The following LTBP1 variants were observed in gnomAD, a reference collection of about 807,000 sequenced individuals.
The protein encoded by LTBP1 is latent transforming growth factor beta binding protein 1, also known as latent-transforming growth factor beta-binding protein 1.
LTBP1 carries 129 observed loss-of-function variants against 207.6 expected under a neutral mutation model. That is an observed-to-expected ratio of 0.62 (90% confidence interval 0.54 to 0.72). The LOEUF (loss-of-function observed/expected upper bound fraction) is 0.72, where lower values mean the gene tolerates loss of function less well. Ranked by LOEUF, LTBP1 falls within the 30% of genes least tolerant of loss-of-function variation. The pLI, the probability that LTBP1 is intolerant of heterozygous loss-of-function variation, is 0.00. For synonymous variants in LTBP1, 963 were observed against 833.7 expected, an observed-to-expected ratio of 1.16 and a Z score of -2.67; for missense variants, 2,281 against 2,217.2, an observed-to-expected ratio of 1.03 and a Z score of -0.58.
At chr2:33,300,639 C>T in intron 21 of LTBP1, 66 bp downstream of exon 21, 3 of 1,522,610 alleles carry the variant, frequency 2.0e-6, no homozygotes, top group South Asian at 1.2e-5. Context: ...AAAAGGTACG[C>T]TCAATCAAGT....
chr2:33,122,821 C>T (rs1427181321), intron 4 of LTBP1, among the ~76,000 whole-genome samples: 3 of 149,254 alleles, frequency 2.0e-5, no homozygotes, highest in East Asian at 1.9e-4. Flanking sequence ...GCTGGTTCTG[C>T]GTTCTGGGTT....
At chr2:33,116,342 A>C (rs568475903) in intron 4 of LTBP1, among the ~76,000 whole-genome samples, 4 of 152,348 alleles carry the variant, frequency 2.6e-5, no homozygotes, top group African/African-American at 9.6e-5. Context: ...TTATATTTCA[A>C]AGTCATCTAA....
chr2:33,292,168 T>A (rs775388680), intron 19 of LTBP1, among the ~76,000 whole-genome samples: 2 of 152,236 alleles, frequency 1.3e-5, no homozygotes, highest in Admixed American at 6.5e-5. Flanking sequence ...AGAACTTACA[T>A]GTTTATTTAT....
intron 4 of LTBP1, among the ~76,000 whole-genome samples, chr2:33,115,035 TATACACACAC>T (rs1178677392): frequency 3.1e-5 from 3 of 98,220 alleles, no homozygotes; most frequent in African/African-American, 1.2e-4. Context: ...CAAACAGATA[TATACACACAC>T]ACACACACAC....
At chr2:33,002,512 G>C (rs998116840) in intron 2 of LTBP1, among the ~76,000 whole-genome samples, 2 of 152,158 alleles carry the variant, frequency 1.3e-5, no homozygotes, top group Non-Finnish European at 2.9e-5. Flanking sequence ...CAGGCCCAGC[G>C]TCTCTTCTCC....
At chr2:33,342,703 T>A in intron 24 of LTBP1, 135 bp from the exon 25 acceptor site, 1 of 739,798 alleles carries the variant, frequency 1.4e-6, no homozygotes, top group South Asian at 4.1e-5. Flanking sequence ...TTAAAAGCTG[T>A]TTTCTGTGTA....
chr2:33,377,041 G>A (rs1352501764), intron 31 of LTBP1, among the ~76,000 whole-genome samples: 1 of 152,194 alleles, frequency 6.6e-6, no homozygotes, highest in Non-Finnish European at 1.5e-5. Context: ...TGATCCTATT[G>A]TAGTCATTGA....
intron 6 of LTBP1, 41 bp downstream of exon 6, chr2:33,187,121 A>C (rs772115525): frequency 6.4e-6 from 10 of 1,554,648 alleles, no homozygotes; most frequent in Non-Finnish European, 8.8e-6. Flanking sequence ...GACCTCTGTT[A>C]ACCTGCCAAA....
intron 3 of LTBP1, among the ~76,000 whole-genome samples, chr2:33,046,444 T>G (rs544408648): frequency 6.6e-6 from 1 of 152,350 alleles, no homozygotes; most frequent in East Asian, 1.9e-4. Flanking sequence ...TGAACCAGCC[T>G]TGCCTCCCGG....
chr2:33,015,862 A>T (rs886379525), intron 2 of LTBP1, among the ~76,000 whole-genome samples: 2 of 152,128 alleles, frequency 1.3e-5, no homozygotes, highest in Non-Finnish European at 2.9e-5. Context: ...GAGAGTGGGG[A>T]GGTGCCACAC....
At chr2:33,389,349 G>T (rs1436508151) in intron 32 of LTBP1, 43 bp downstream of exon 32, 1 of 1,610,870 alleles carries the variant, frequency 6.2e-7, no homozygotes, top group East Asian at 2.2e-5. Context: ...AGTTGTGGTT[G>T]AAGATTAATC....
Position 33,259,585 on chromosome 2 carries a change from T to C in LTBP1, c.2396-3T>C. 1.2e-6 allele frequency: 2 copies of C among 1,602,844 alleles called. No homozygotes were observed. Among genetic ancestry groups the C allele is most frequent in the East Asian group, 2.2e-5 (1 of 44,714 alleles). ...TAATACCCTTTTTCTTTTCTGGTTT[T>C]AGTGGCAACTGCACCCCCTGAAAAG... On this transcript the variant is annotated splice_region_variant and splice_polypyrimidine_tract_variant and intron_variant, in intron 12 of 33. Transcript: ENST00000404816.
chr2:33,268,256 C>CA (rs2093233256), intron 15 of LTBP1, among the ~76,000 whole-genome samples: 1 of 152,128 alleles, frequency 6.6e-6, no homozygotes, highest in Admixed American at 6.5e-5. Flanking sequence ...ATTTAAGGAG[C>CA]AATCTCATCA....
intron 19 of LTBP1, among the ~76,000 whole-genome samples, chr2:33,285,332 G>A (rs185207415): frequency 2.1e-4 from 32 of 151,922 alleles, no homozygotes; most frequent in African/African-American, 6.3e-4. Context: ...GTAAGCCACC[G>A]TGCCCGGGTC....
intron 3 of LTBP1, among the ~76,000 whole-genome samples, chr2:33,068,787 T>C (rs1558591020): frequency 6.6e-6 from 1 of 152,164 alleles, no homozygotes; most frequent in Admixed American, 6.5e-5. Context: ...TTGTTATTAA[T>C]ATTATGTTTT....
chr2:33,387,883 T>C (rs964030593), intron 31 of LTBP1, among the ~76,000 whole-genome samples: 4 of 152,102 alleles, frequency 2.6e-5, no homozygotes, highest in Admixed American at 2.6e-4. Context: ...TCTAGGCAAG[T>C]GTGGCCATTG....
chr2:33,375,589 A>G (rs534989694), intron 31 of LTBP1, among the ~76,000 whole-genome samples: 1 of 152,156 alleles, frequency 6.6e-6, no homozygotes, highest in South Asian at 2.1e-4. Flanking sequence ...GTGCAGTGGC[A>G]CGATCTCGGC....
chr2:32,995,661 C>T (rs916257710), intron 2 of LTBP1, among the ~76,000 whole-genome samples: 50 of 152,178 alleles, frequency 3.3e-4, no homozygotes, highest in African/African-American at 1.1e-3. Context: ...TGGTGGCGGG[C>T]ACCTGTAGTC....
At chr2:33,341,714 C>CAAAAAAA (rs1212498794) in intron 24 of LTBP1, among the ~76,000 whole-genome samples, 64 of 113,060 alleles carry the variant, frequency 5.7e-4, no homozygotes, top group African/African-American at 2.5e-3. Context: ...CCGTCTCACT[C>CAAAAAAA]AAAAAAAAAA....
Sources: gnomAD v4.1 joint callset for allele counts (sites outside exome capture counted in the v4.1 genomes callset) on GRCh38, gnomAD v4.1.1 for gene constraint, MANE v1.5 for transcripts, NCBI Gene and HGNC (gene_info 2026-07-23, HGNC 2026-07-21) for gene names.